The following DROSHA variants were observed in gnomAD, a reference collection of about 807,000 sequenced individuals.
DROSHA encodes the protein drosha ribonuclease III.
A neutral mutation model predicts 181.9 loss-of-function variants in DROSHA; 56 were observed. The observed-to-expected ratio is 0.31, with a 90% CI of 0.25 to 0.38. The LOEUF is 0.38. DROSHA is among the 10% of genes least tolerant of loss of function. DROSHA has a pLI of 1.00. For missense variants in DROSHA, 1,218 were observed against 1,743.5 expected (o/e 0.70, Z 5.37); for synonymous variants, 524 against 591.2 (o/e 0.89, Z 1.65).
rs373237376 is a variant in DROSHA, at chr5:31,446,128, T to G, written c.2882+2419A>C. On this transcript the variant is annotated intron_variant, in intron 23 of 35. Transcript: ENST00000344624. The stretch of plus-strand genomic sequence containing the variant: ...TGACTGTATTTCCAAACACTTGCAA[T>G]GAACAACCTGAAAATGAAATTCAGA... 3.3e-5 allele frequency among the ~76,000 whole-genome samples: 5 copies of G among 152,214 alleles called. No individual in the cohort carries two copies. The East Asian group carries it at 9.7e-4, about 29-fold the overall frequency.
At chr5:31,493,936 ATTGTGTGTGTGTGTGTGTGTGTGTGTGT>A (rs1752669905) in intron 12 of DROSHA, among the ~76,000 whole-genome samples, 1 of 127,634 alleles carries the variant, frequency 7.8e-6, no homozygotes, top group Non-Finnish European at 1.6e-5. Flanking sequence ...ATAACCCACC[ATTGTGTGTGTGTGTGTGTGTGTGTGTGT>A]GTGTGTGTGT....
At chr5:31,413,676 G>A (rs1293795497) in intron 30 of DROSHA, among the ~76,000 whole-genome samples, 3 of 152,140 alleles carry the variant, frequency 2.0e-5, no homozygotes, top group South Asian at 2.1e-4. Flanking sequence ...CGTGCAGACC[G>A]GCTGTTGCAA....
In DROSHA at chr5:31,514,942, C is replaced by T. The variant is rs759296521; in HGVS notation, c.1290+46G>A. ...CAGCCCCAAAGGCCAATAGTGACAA[C>T]GCCGAGAAGCCCTAGTCTACAGCTT... On this transcript the variant is annotated intron_variant, in intron 8 of 35. Coordinates refer to ENST00000344624, the MANE Select transcript of DROSHA (RefSeq NM_001382508.1). The surrounding 1 kb of genome is among the most constrained non-coding windows in gnomAD (Gnocchi z 4.4). 25 of 1,571,940 alleles carry T rather than the reference C, an allele frequency of 1.6e-5. No homozygotes were observed. Among genetic ancestry groups the T allele is most frequent in the East Asian group, 2.2e-5 (1 of 44,674 alleles).
Position 31,464,323 on chromosome 5 carries a change from C to A in DROSHA, c.2487G>T (p.Arg829=). ...AQREEALQKI[R]QKNTMRREVT... The stretch of plus-strand genomic sequence containing the variant: ...CTTCTCGTCTCATTGTATTCTTCTG[C>A]CGTATTTTTTGGAGGGCTTCCTAGA... The change falls in exon 20 of 36, where the codon CGG becomes CGT. Residue 829 remains arginine (R), a synonymous_variant. Coordinates refer to ENST00000344624, the MANE Select transcript of DROSHA (RefSeq NM_001382508.1). 1 of 1,613,006 alleles carries A rather than the reference C, an allele frequency of 6.2e-7. No individual in the cohort carries two copies. Among genetic ancestry groups the A allele is most frequent in the Non-Finnish European group, 8.5e-7 (1 of 1,179,492 alleles).
chr5:31,464,085 A>G, intron 20 of DROSHA, 151 bp downstream of exon 20: 1 of 723,896 alleles, frequency 1.4e-6, no homozygotes, highest in Non-Finnish European at 2.3e-6. Flanking sequence ...AACAAAATCC[A>G]AATAATAGAA....
At chr5:31,501,074 G>A (rs1753527126) in intron 11 of DROSHA, among the ~76,000 whole-genome samples, 1 of 152,172 alleles carries the variant, frequency 6.6e-6, no homozygotes, top group African/African-American at 2.4e-5. Context: ...GAAGGATCCT[G>A]TAACAAAATA....
At chr5:31,440,630 G>T (rs1028546293) in intron 23 of DROSHA, among the ~76,000 whole-genome samples, 7 of 152,092 alleles carry the variant, frequency 4.6e-5, no homozygotes, top group Non-Finnish European at 7.3e-5. Flanking sequence ...ACATCACTCT[G>T]GAAAGCAATT....
At chr5:31,444,425 A>G (rs1161610460) in intron 23 of DROSHA, among the ~76,000 whole-genome samples, 1 of 152,250 alleles carries the variant, frequency 6.6e-6, no homozygotes, top group Middle Eastern at 3.2e-3. Context: ...AAAATGGTAA[A>G]TTCAAACATC....
intron 20 of DROSHA, among the ~76,000 whole-genome samples, chr5:31,454,993 TAAGAA>T (rs1474891442): frequency 1.5e-4 from 18 of 118,690 alleles, no homozygotes; most frequent in South Asian, 2.9e-4. Flanking sequence ...ACCTTCGAAA[TAAGAA>T]AAGAAATTAC....
intron 23 of DROSHA, among the ~76,000 whole-genome samples, chr5:31,437,966 A>G (rs1436724134): frequency 1.3e-5 from 2 of 152,156 alleles, no homozygotes; most frequent in African/African-American, 4.8e-5. Flanking sequence ...AGGCCTAGCA[A>G]AAATGTTATC....
intron 16 of DROSHA, among the ~76,000 whole-genome samples, chr5:31,477,388 T>C (rs1750510734): frequency 6.6e-6 from 1 of 152,246 alleles, no homozygotes; most frequent in Non-Finnish European, 1.5e-5. Flanking sequence ...ACTGCGTTTC[T>C]GTGTCTTCTG....
At chr5:31,511,878 T>A (rs1026234694) in intron 8 of DROSHA, among the ~76,000 whole-genome samples, 1 of 151,574 alleles carries the variant, frequency 6.6e-6, no homozygotes, top group African/African-American at 2.4e-5. Context: ...TATCAATCCA[T>A]CGAGCAATAA....
chr5:31,411,020 A>T lies in DROSHA; in HGVS notation c.3526-133T>A. ...AAAATAAGTGAGGTCTATGGCCTCA[A>T]CCATCACCCAGATGACAGTGATATG... On this transcript the variant is annotated intron_variant, in intron 30 of 35. Coordinates refer to ENST00000344624, the MANE Select transcript of DROSHA (RefSeq NM_001382508.1). This position sits in a 1 kb window ranked among gnomAD's most constrained non-coding sequence, Gnocchi z 4.2. The T allele has an allele frequency of 8.1e-7, 1 of 1,238,018 alleles. No homozygotes were observed. Among genetic ancestry groups the T allele is most frequent in the Non-Finnish European group, 1.1e-6 (1 of 889,672 alleles). 76.7% of individuals were successfully genotyped at this position (1,238,018 alleles called of 1,614,324 possible).
chr5:31,499,513 A>G (rs551728380), intron 11 of DROSHA, among the ~76,000 whole-genome samples: 10 of 152,322 alleles, frequency 6.6e-5, no homozygotes, highest in East Asian at 5.8e-4. Context: ...AAGATGGTGA[A>G]TTAGAAGCTG....
chr5:31,460,019 C>T (rs1748225400), intron 20 of DROSHA, among the ~76,000 whole-genome samples: 1 of 152,112 alleles, frequency 6.6e-6, no homozygotes, highest in Admixed American at 6.6e-5. Context: ...TTATTGATTT[C>T]CATGGACCAC....
chr5:31,489,091 G>A (rs1752105038), intron 13 of DROSHA: 1 of 152,186 alleles, frequency 6.6e-6, no homozygotes, highest in South Asian at 2.1e-4. Flanking sequence ...TCTAAAATGT[G>A]AGAGTGGAGT....
Position 31,508,694 on chromosome 5 carries a change from A to G in DROSHA, c.1514T>C (p.Ile505Thr). The change falls in exon 10 of 36, where the codon ATT becomes ACT. Residue 505 changes from isoleucine to threonine, a missense_variant. By Grantham distance (89) the Ile-to-Thr change is moderately conservative. This residue lies in a region of DROSHA where 460 missense variants were observed against 774.2 expected (regional missense o/e 0.59). Coordinates refer to ENST00000344624, the MANE Select transcript of DROSHA (RefSeq NM_001382508.1). The stretch of plus-strand genomic sequence containing the variant: ...GGCCTTTTTGCGTTTGATTTCTGCA[A>G]TAACGTCAAAAACTTCAGAGTCTGA... Reference protein sequence around the residue: ...SSSDSEVFDVIAEIKRKKAHP... With the variant: ...SSSDSEVFDVTAEIKRKKAHP... 2 of 1,613,992 alleles carry G rather than the reference A, an allele frequency of 1.2e-6. No homozygotes were observed. Among genetic ancestry groups the G allele is most frequent in the Non-Finnish European group, 1.7e-6 (2 of 1,179,876 alleles).
chr5:31,420,260 A>G (rs1478560542), intron 30 of DROSHA, among the ~76,000 whole-genome samples: 2 of 152,216 alleles, frequency 1.3e-5, no homozygotes, highest in Non-Finnish European at 2.9e-5. Flanking sequence ...TCAACATACT[A>G]AAGACAGACT....
intron 33 of DROSHA, chr5:31,408,814 C>A (rs990525106): frequency 2.5e-6 from 1 of 396,038 alleles, no homozygotes; most frequent in South Asian, 5.3e-5. Context: ...CAGTAGTTCA[C>A]AGAGATTTTT....
Sources: gnomAD v4.1 joint callset for allele counts (sites outside exome capture counted in the v4.1 genomes callset) on GRCh38, gnomAD v4.1.1 for gene constraint, gnomAD v4.1.1 regional missense constraint, Gnocchi (gnomAD v3.1) non-coding constraint, MANE v1.5 for transcripts, NCBI Gene and HGNC (gene_info 2026-07-23, HGNC 2026-07-21) for gene names.